The following SEL1L3 variants were observed in gnomAD, a reference collection of about 807,000 sequenced individuals.
SEL1L3 encodes the protein protein sel-1 homolog 3.
Under a neutral mutation model 142.8 loss-of-function variants are expected in SEL1L3, and 76 were observed. The ratio of observed to expected loss-of-function variants is 0.53; its 90% CI spans 0.44 to 0.64. SEL1L3 has a LOEUF of 0.64. SEL1L3 is among the 30% of genes least tolerant of loss of function. The probability of loss-of-function intolerance (pLI) is 0.00; values close to 1 mark genes in which losing one functional copy is unlikely to be tolerated. For synonymous variants in SEL1L3, 504 were observed against 519.6 expected, an observed-to-expected ratio of 0.97 and a Z score of 0.41; for missense variants, 1,262 against 1,381.7, an observed-to-expected ratio of 0.91 and a Z score of 1.37.
At chr4:25,826,444 G>A (rs1407849174) in intron 6 of SEL1L3, among the ~76,000 whole-genome samples, 1 of 152,212 alleles carries the variant, frequency 6.6e-6, no homozygotes, top group African/African-American at 2.4e-5. Context: ...AATATCTGAT[G>A]TTTAGTTCAC....
chr4:25,785,223 G>C (rs778591958), intron 13 of SEL1L3, among the ~76,000 whole-genome samples: 1 of 152,148 alleles, frequency 6.6e-6, no homozygotes, highest in African/African-American at 2.4e-5. Flanking sequence ...TAAACGCTTA[G>C]CTCTATAGTA....
At position 25,754,184 on chromosome 4, in the gene SEL1L3, C is replaced by A. The variant is rs1170764409; in HGVS notation, c.3259+3350G>T. Reference sequence around the variant, plus strand: ...AGGCGTGGTGGCGCATGCCTGTATTCCCAGCTACTCGGGAGGCTGAGGCAG... The same window carrying A: ...AGGCGTGGTGGCGCATGCCTGTATTACCAGCTACTCGGGAGGCTGAGGCAG... On this transcript the variant is annotated intron_variant, in intron 23 of 23. Transcript: ENST00000399878. Among the ~76,000 whole-genome samples the A allele has an allele frequency of 2.7e-5, 4 of 148,564 alleles. No individual in the cohort carries two copies. The East Asian group carries it at 8.2e-4, about 30-fold the overall frequency.
At chr4:25,767,368 G>A (rs915378623) in intron 19 of SEL1L3, among the ~76,000 whole-genome samples, 157 bp downstream of exon 19, 2 of 152,172 alleles carry the variant, frequency 1.3e-5, no homozygotes, top group Non-Finnish European at 2.9e-5. Flanking sequence ...GTGTGAGGCT[G>A]AGAGCAGAGT....
Position 25,782,477 on chromosome 4 carries a change from G to A in SEL1L3, c.2281-59C>T. The A allele has an allele frequency of 4.1e-6, 6 of 1,461,510 alleles. 1 individual carries two copies. In the South Asian group the frequency reaches 7.5e-5, roughly 18 times the overall value. The allele number at this position is 1,461,510 out of a possible 1,614,324, so 90.5% of individuals were successfully genotyped here. A position where few individuals can be genotyped will look rare whatever the true frequency, so the allele number is the denominator to read the frequency against. Reference sequence around the variant, plus strand: ...GAAAAATGAAATCTAGAGAGCTCTGGAAGCAATTATTGTGGAAGCATTCTG... The same window carrying A: ...GAAAAATGAAATCTAGAGAGCTCTGAAAGCAATTATTGTGGAAGCATTCTG... On this transcript the variant is annotated intron_variant, in intron 14 of 23. Coordinates refer to ENST00000399878, the MANE Select transcript of SEL1L3 (RefSeq NM_015187.5).
intron 23 of SEL1L3, among the ~76,000 whole-genome samples, chr4:25,757,101 C>G (rs938402321): frequency 6.6e-6 from 1 of 151,872 alleles, no homozygotes; most frequent in Non-Finnish European, 1.5e-5. Context: ...AACCCCGTCT[C>G]TACTAAAAAT....
chr4:25,751,846 C>T (rs998581564), intron 23 of SEL1L3, among the ~76,000 whole-genome samples: 2 of 151,480 alleles, frequency 1.3e-5, no homozygotes, highest in Admixed American at 6.6e-5. Flanking sequence ...CACGGTGGCT[C>T]ACGCCTGTAA....
At position 25,842,919 on chromosome 4, in the gene SEL1L3, G is replaced by C. The variant is rs578197570; in HGVS notation, c.733+4375C>G. On this transcript the variant is annotated intron_variant, in intron 2 of 23. Coordinates refer to ENST00000399878, the MANE Select transcript of SEL1L3 (RefSeq NM_015187.5). ...GAAGGTGGACAATGACAGGCAGGGC[G>C]GTGGGGGTGGGCCTGCTGTCTTAGA... Among the ~76,000 whole-genome samples, 8 of 152,318 alleles carry C rather than the reference G, an allele frequency of 5.3e-5. No homozygotes were observed. The South Asian group carries it at 1.7e-3, about 32-fold the overall frequency.
At chr4:25,806,743 A>G (rs1245691742) in intron 9 of SEL1L3, among the ~76,000 whole-genome samples, 1 of 151,838 alleles carries the variant, frequency 6.6e-6, no homozygotes, top group African/African-American at 2.4e-5. Context: ...TGCTTTTTTG[A>G]TCCCAAGTAC....
Position 25,804,705 on chromosome 4 carries a change from A to G in SEL1L3, c.1612T>C (p.Phe538Leu), listed in dbSNP as rs750198570. 21 of 1,613,766 alleles carry G rather than the reference A, an allele frequency of 1.3e-5. No homozygotes were observed. Among genetic ancestry groups the G allele is most frequent in the Non-Finnish European group, 1.8e-5 (21 of 1,179,802 alleles). Reference protein sequence around the residue: ...ESVSEIGGKIFEKAVKRLSSI... With the variant: ...ESVSEIGGKILEKAVKRLSSI... Reference sequence around the variant, plus strand: ...GAGAGTCTCTTTACAGCCTTCTCAAATATCTTCCCACCGATTTCTGATACA... The same window carrying G: ...GAGAGTCTCTTTACAGCCTTCTCAAGTATCTTCCCACCGATTTCTGATACA... Residue 538 changes from phenylalanine (F) to leucine (L), a missense_variant, in exon 10 of 24, where the codon TTT (phenylalanine) becomes CTT (leucine). Physicochemically the swap from Phe to Leu is conservative, Grantham distance 22. This residue lies in a region of SEL1L3 where 689 missense variants were observed against 692.8 expected (regional missense o/e 0.99). Transcript: ENST00000399878.
At chr4:25,816,855 A>G (rs1244947424) in intron 9 of SEL1L3, among the ~76,000 whole-genome samples, 3 of 151,354 alleles carry the variant, frequency 2.0e-5, no homozygotes, top group South Asian at 4.2e-4. Flanking sequence ...CCCACCTCCA[A>G]CTCTCTTATC....
intron 2 of SEL1L3, among the ~76,000 whole-genome samples, chr4:25,842,033 C>T (rs1041544407): frequency 6.6e-6 from 1 of 152,104 alleles, no homozygotes; most frequent in African/African-American, 2.4e-5. Context: ...TGTTCAGTAG[C>T]AGTAAGTGAC....
intron 9 of SEL1L3, among the ~76,000 whole-genome samples, chr4:25,810,300 G>C (rs537912375): frequency 6.6e-6 from 1 of 152,250 alleles, no homozygotes; most frequent in South Asian, 2.1e-4. Context: ...CATGTCACCT[G>C]TTCAGTGCCT....
chr4:25,855,903 G>A (rs1298213971), intron 1 of SEL1L3, among the ~76,000 whole-genome samples: 1 of 152,154 alleles, frequency 6.6e-6, no homozygotes, highest in African/African-American at 2.4e-5. Context: ...TCTTGTAAGG[G>A]GCCCCCATCA....
the SEL1L3 span, among the ~76,000 whole-genome samples, chr4:25,730,961 G>A: frequency 6.6e-5 from 10 of 152,258 alleles, no homozygotes; most frequent in South Asian, 2.1e-3. Flanking sequence ...TACCTGGGAG[G>A]CGGAGGTTGC....
chr4:25,811,763 T>G (rs939663108), intron 9 of SEL1L3, among the ~76,000 whole-genome samples: 19 of 149,862 alleles, frequency 1.3e-4, no homozygotes, highest in African/African-American at 3.8e-4. Context: ...TTTTTTTTTT[T>G]TTTGTTGTTG....
chr4:25,748,221 G>A lies in SEL1L3; in HGVS notation c.*204C>T. On this transcript the variant is annotated 3_prime_UTR_variant, in exon 24 of 24. Coordinates refer to ENST00000399878, the MANE Select transcript of SEL1L3 (RefSeq NM_015187.5). ...TATGATCAAGATGTTCCTTGTATGT[G>A]TTTGATGACCTTTGGTATTACCACT... 1 of 563,480 alleles carries A rather than the reference G, an allele frequency of 1.8e-6. No homozygotes were observed. Among genetic ancestry groups the A allele is most frequent in the South Asian group, 2.2e-5 (1 of 45,244 alleles). 34.9% of individuals were successfully genotyped at this position (563,480 alleles called of 1,614,324 possible). A position where few individuals can be genotyped will look rare whatever the true frequency, so the allele number is the denominator to read the frequency against.
At chr4:25,724,736 C>CAAAAAAAAAAAAAAA in the SEL1L3 span, among the ~76,000 whole-genome samples, 2 of 5,974 alleles carry the variant, frequency 3.3e-4, no homozygotes, top group Non-Finnish European at 2.7e-4. Context: ...GACTCCAACT[C>CAAAAAAAAAAAAAAA]AAAAAAAAAA....
rs769102548 is a variant in SEL1L3, at chr4:25,788,361, G to A, written c.2080C>T (p.Arg694Ter). ...ATRGNAAAQQ[R>*]LAQMLFWGQQ... ...CCCCAGAACAGCATCTGGGCCAATC[G>A]TTGCTTAAAGATAATAGCAATTTAG... The change falls in exon 13 of 24, where the codon CGA becomes TGA. Residue 694 changes from arginine to a stop codon, truncating the protein, a stop_gained. Coordinates refer to ENST00000399878, the MANE Select transcript of SEL1L3 (RefSeq NM_015187.5). LOFTEE classifies it high-confidence loss of function. This position sits in a 1 kb window ranked among gnomAD's most constrained non-coding sequence, Gnocchi z 5.3. 29 of 1,613,540 alleles carry A rather than the reference G, an allele frequency of 1.8e-5. No individual in the cohort carries two copies. The highest frequency in any genetic ancestry group is 2.4e-5 in the Non-Finnish European group (28 of 1,179,786).
intron 6 of SEL1L3, among the ~76,000 whole-genome samples, chr4:25,826,247 T>C (rs1370562022): frequency 6.6e-6 from 1 of 152,220 alleles, no homozygotes; most frequent in Non-Finnish European, 1.5e-5. Context: ...GGCCTGAAGC[T>C]GTCACCTGTC....
Sources: gnomAD v4.1 joint callset for allele counts (sites outside exome capture counted in the v4.1 genomes callset) on GRCh38, gnomAD v4.1.1 for gene constraint, gnomAD v4.1.1 regional missense constraint, Gnocchi (gnomAD v3.1) non-coding constraint, MANE v1.5 for transcripts, NCBI Gene and HGNC (gene_info 2026-07-23, HGNC 2026-07-21) for gene names.